The following PIWIL4 variants were observed in gnomAD, a reference collection of about 807,000 sequenced individuals.
PIWIL4 encodes piwi-like protein 4.
PIWIL4 carries 50 observed loss-of-function variants against 100.9 expected under a neutral mutation model. The ratio of observed to expected loss-of-function variants is 0.50; its 90% CI spans 0.39 to 0.63. The LOEUF (loss-of-function observed/expected upper bound fraction) is 0.63, where lower values mean the gene tolerates loss of function less well. Ranked by LOEUF, PIWIL4 falls within the 20% of genes least tolerant of loss-of-function variation. The pLI, the probability that PIWIL4 is intolerant of heterozygous loss-of-function variation, is 0.00. For missense variants in PIWIL4, 887 were observed against 1,043.3 expected (o/e 0.85, Z 2.06); for synonymous variants, 342 against 367.5 (o/e 0.93, Z 0.79).
chr11:94,619,772 G>C lies in PIWIL4; in HGVS notation c.2181G>C (p.Ser727=). 1 of 1,613,772 alleles carries C rather than the reference G, an allele frequency of 6.2e-7. No individual in the cohort carries two copies. Among genetic ancestry groups the C allele is most frequent in the East Asian group, 2.2e-5 (1 of 44,878 alleles). ...CTCTAATTTTTAGCTCAAGACTGTC[G>C]GTGATTGTGGTCAGGAAGAAGTGCA... ...ESSSNTSSRL[S]VIVVRKKCMP... The change falls in exon 18 of 20, where the codon TCG becomes TCC. Residue 727 remains serine (S), a synonymous_variant. Coordinates refer to ENST00000299001, the MANE Select transcript of PIWIL4 (RefSeq NM_152431.3).
rs1239508983 is a variant in PIWIL4 at position 94,604,072 on chromosome 11, T to C, written c.1638+16T>C. 7.9e-6 allele frequency: 12 copies of C among 1,517,980 alleles called. 1 individual carries two copies. The South Asian group carries it at 1.4e-4, about 18-fold the overall frequency. The allele number at this position is 1,517,980 out of a possible 1,614,324, so 94.0% of individuals were successfully genotyped here. On this transcript the variant is annotated intron_variant, in intron 13 of 19. Transcript: ENST00000299001. ...TGTTCAGCTGGTAAGTACAGGATAC[T>C]TTTTGAACTCCTTTAATCTATAATT...
chr11:94,568,873 C>G (rs1196696776), intron 2 of PIWIL4, 65 bp downstream of exon 2: 7 of 1,415,734 alleles, frequency 4.9e-6, no homozygotes, highest in South Asian at 1.2e-5. Flanking sequence ...GGAGCCCTGC[C>G]AGGCCTTACA....
intron 2 of PIWIL4, among the ~76,000 whole-genome samples, chr11:94,573,553 G>T (rs1276223387): frequency 6.6e-6 from 1 of 152,130 alleles, no homozygotes; most frequent in Admixed American, 6.5e-5. Context: ...TAATCATGTG[G>T]TTTTTGCCTT....
intron 2 of PIWIL4, among the ~76,000 whole-genome samples, chr11:94,572,406 G>A (rs760056281): frequency 6.6e-6 from 1 of 152,170 alleles, no homozygotes; most frequent in Admixed American, 6.5e-5. Flanking sequence ...TTCTTCTAGG[G>A]TTTTTATGGT....
chr11:94,604,178 C>T (rs576428621), intron 13 of PIWIL4, 122 bp downstream of exon 13: 14 of 491,172 alleles, frequency 2.9e-5, no homozygotes, highest in Admixed American at 1.2e-4. Flanking sequence ...TCCAAAGCAC[C>T]GAAGAAAATA....
At chr11:94,578,449 G>A (rs1948270536) in intron 4 of PIWIL4, among the ~76,000 whole-genome samples, 1 of 152,116 alleles carries the variant, frequency 6.6e-6, no homozygotes, top group African/African-American at 2.4e-5. Flanking sequence ...TTCTCAATTA[G>A]GGCATGAACA....
intron 13 of PIWIL4, among the ~76,000 whole-genome samples, chr11:94,604,765 C>T (rs1358594117): frequency 6.6e-6 from 1 of 152,194 alleles, no homozygotes; most frequent in Admixed American, 6.5e-5. Flanking sequence ...ACCCTTCTTA[C>T]CTCCCTCGCT....
chr11:94,593,538 G>A lies in PIWIL4; in HGVS notation c.1047G>A (p.Ser349=), dbSNP rs575492946. The A allele has an allele frequency of 2.4e-5, 38 of 1,613,310 alleles. No individual in the cohort carries two copies. The highest frequency in any genetic ancestry group is 8.0e-5 in the African/African-American group (6 of 74,968). ...YYKQQYDITV[S]DLNQPMLVSL... ...TATAGCAGTATGATATTACTGTATC[G>A]GACCTGAATCAGCCCATGCTTGTTA... The change falls in exon 9 of 20, where the codon TCG becomes TCA. Residue 349 remains serine (S), a synonymous_variant. Coordinates refer to ENST00000299001, the MANE Select transcript of PIWIL4 (RefSeq NM_152431.3).
At chr11:94,568,634 A>G in intron 1 of PIWIL4, 96 bp from the exon 2 acceptor site, 1 of 893,020 alleles carries the variant, frequency 1.1e-6, no homozygotes, top group South Asian at 1.5e-5. Context: ...TGCCTAGTTC[A>G]TGGTAATCTA....
chr11:94,567,675 C>G, intron 1 of PIWIL4, 70 bp downstream of exon 1: 1 of 1,441,574 alleles, frequency 6.9e-7, no homozygotes, highest in South Asian at 1.5e-5. Context: ...ACAATGCCTT[C>G]CTCTGCATGT....
chr11:94,617,882 A>G (rs1948863202), intron 16 of PIWIL4, 72 bp from the exon 17 acceptor site: 1 of 1,510,086 alleles, frequency 6.6e-7, no homozygotes, highest in Non-Finnish European at 9.2e-7. Flanking sequence ...TAAACACTGC[A>G]ATATATGGGA....
At chr11:94,576,575 A>T (rs1000681842) in intron 3 of PIWIL4, among the ~76,000 whole-genome samples, 2 of 152,180 alleles carry the variant, frequency 1.3e-5, no homozygotes, top group Non-Finnish European at 2.9e-5. Context: ...TATCGTGGCC[A>T]TCTCTGATTT....
Position 94,597,821 on chromosome 11 carries a change from T to C in PIWIL4, c.1286T>C (p.Phe429Ser). 1 of 1,613,512 alleles carries C rather than the reference T, an allele frequency of 6.2e-7. No individual in the cohort carries two copies. The highest frequency in any genetic ancestry group is 8.5e-7 in the Non-Finnish European group (1 of 1,179,540). Reference sequence around the variant, plus strand: ...ATCAACAGGAATACCAATGCTCGCTTTGAACTAGAGACCTGGGGACTGCAT... The same window carrying C: ...ATCAACAGGAATACCAATGCTCGCTCTGAACTAGAGACCTGGGGACTGCAT... ...DNIQRNTNAR[F>S]ELETWGLHFG... Residue 429 changes from phenylalanine to serine, a missense_variant, in exon 11 of 20, where the codon TTT becomes TCT. Around this residue, in one of 2 missense-constraint regions of PIWIL4, gnomAD observed 741 missense variants for 930.0 expected, o/e 0.80. Coordinates refer to ENST00000299001, the MANE Select transcript of PIWIL4 (RefSeq NM_152431.3).
At chr11:94,589,050 A>T in intron 7 of PIWIL4, 71 bp from the exon 8 acceptor site, 1 of 1,057,974 alleles carries the variant, frequency 9.5e-7, no homozygotes, top group Non-Finnish European at 1.4e-6. Context: ...GTGTTGAATT[A>T]AAAGTGTGGT....
chr11:94,574,992 G>A lies in PIWIL4; in HGVS notation c.167-7G>A. The stretch of plus-strand genomic sequence containing the variant: ...TTAGCTGTTACCACATTCTCTTCAT[G>A]TTTTAGATAAATATGGGATATCTTC... On this transcript the variant is annotated splice_region_variant and splice_polypyrimidine_tract_variant and intron_variant, in intron 2 of 19. Transcript: ENST00000299001. 1 of 1,611,258 alleles carries A rather than the reference G, an allele frequency of 6.2e-7. No homozygotes were observed. Among genetic ancestry groups the A allele is most frequent in the African/African-American group, 1.3e-5 (1 of 74,956 alleles).
chr11:94,617,134 T>A (rs1948855967), intron 16 of PIWIL4, among the ~76,000 whole-genome samples: 1 of 152,228 alleles, frequency 6.6e-6, no homozygotes, highest in Non-Finnish European at 1.5e-5. Context: ...TTTTCCCATC[T>A]GTAAATTTGG....
At chr11:94,599,878 A>T (rs1474343911) in intron 11 of PIWIL4, among the ~76,000 whole-genome samples, 2 of 151,906 alleles carry the variant, frequency 1.3e-5, no homozygotes, top group African/African-American at 4.8e-5. Flanking sequence ...TACTTGGGGG[A>T]CATGTTAACA....
chr11:94,581,739 C>T (rs1236072659), intron 4 of PIWIL4, among the ~76,000 whole-genome samples: 2 of 152,148 alleles, frequency 1.3e-5, no homozygotes, highest in Non-Finnish European at 2.9e-5. Flanking sequence ...TATTTGAATT[C>T]CTGAGTGCCT....
At chr11:94,610,783 A>G (rs1216242030) in intron 15 of PIWIL4, among the ~76,000 whole-genome samples, 1 of 152,016 alleles carries the variant, frequency 6.6e-6, no homozygotes, top group Non-Finnish European at 1.5e-5. Flanking sequence ...CATTTTGTTA[A>G]TTATTTCCTT....
Sources: allele counts gnomAD v4.1 joint callset (sites outside exome capture counted in the v4.1 genomes callset), GRCh38; gene constraint gnomAD v4.1.1; regional missense constraint gnomAD v4.1.1; transcripts MANE v1.5; gene names NCBI Gene and HGNC (gene_info 2026-07-23, HGNC 2026-07-21).